The following JAK1 variants were observed in gnomAD, a reference collection of about 807,000 sequenced individuals.
The protein encoded by JAK1 is tyrosine-protein kinase JAK1.
A neutral mutation model predicts 136.6 loss-of-function variants in JAK1; 16 were observed. The ratio of observed to expected loss-of-function variants is 0.12; its 90% CI spans 0.08 to 0.18. JAK1 has a LOEUF of 0.18. Among genes scored for constraint, JAK1 ranks in the 10% least tolerant of loss-of-function variants. The probability of loss-of-function intolerance (pLI) is 1.00; values close to 1 mark genes in which losing one functional copy is unlikely to be tolerated. For synonymous variants in JAK1, 492 were observed against 519.5 expected (o/e 0.95, Z 0.72); for missense variants, 859 against 1,450.1 (o/e 0.59, Z 6.62).
At chr1:64,850,985 C>A (rs758408364) in intron 11 of JAK1, 75 bp from the exon 12 acceptor site, 3 of 1,017,124 alleles carry the variant, frequency 2.9e-6, no homozygotes, top group Non-Finnish European at 4.6e-6. Flanking sequence ...TCTGCTGAGC[C>A]GGGGCCGTGG....
chr1:65,018,450 C>T (rs984188894), intron 2 of JAK1, among the ~76,000 whole-genome samples: 4 of 150,660 alleles, frequency 2.7e-5, no homozygotes, highest in African/African-American at 9.8e-5. Flanking sequence ...TAATGAGAGA[C>T]ACACATACAT....
chr1:64,919,420 T>C (rs896056880), intron 1 of JAK1, among the ~76,000 whole-genome samples: 8 of 152,230 alleles, frequency 5.3e-5, no homozygotes, highest in Non-Finnish European at 1.0e-4. Flanking sequence ...CTATCATTGA[T>C]GGACATTTGG....
chr1:64,996,486 G>A (rs1212089247), intron 2 of JAK1, among the ~76,000 whole-genome samples: 7 of 152,176 alleles, frequency 4.6e-5, no homozygotes, highest in Non-Finnish European at 7.3e-5. Flanking sequence ...CATTTGTAGA[G>A]AAAAAGAAAC....
chr1:64,937,377 T>C (rs1004583109), intron 1 of JAK1, among the ~76,000 whole-genome samples: 1 of 152,204 alleles, frequency 6.6e-6, no homozygotes, highest in Non-Finnish European at 1.5e-5. Context: ...ACCAGCACCA[T>C]AGAAATTTCA....
Position 64,834,559 on chromosome 1 carries a change from T to C in JAK1, c.*3A>G, listed in dbSNP as rs376914054. On this transcript the variant is annotated 3_prime_UTR_variant, in exon 25 of 25. Transcript: ENST00000342505. Reference sequence around the variant, plus strand: ...TGTGGAATTTAAATGTTATTCATGCTTCTTATTTTAAAAGTGCTTCAAATC... The same window carrying C: ...TGTGGAATTTAAATGTTATTCATGCCTCTTATTTTAAAAGTGCTTCAAATC... 1.3e-6 allele frequency: 2 copies of C among 1,573,564 alleles called. No homozygotes were observed. Among genetic ancestry groups the C allele is most frequent in the African/African-American group, 1.4e-5 (1 of 74,024 alleles).
At chr1:65,061,527 AGTT>A (rs1271245831) in intron 1 of JAK1, among the ~76,000 whole-genome samples, 6 of 152,202 alleles carry the variant, frequency 3.9e-5, no homozygotes, top group African/African-American at 1.4e-4. Context: ...AGGCACCGTA[AGTT>A]GTTGGCCAAG....
At position 64,984,864 on chromosome 1, in the gene JAK1, G is replaced by A; in HGVS notation, c.-78+59616C>T. 8.4e-7 allele frequency: 1 copy of A among 1,188,430 alleles called. No homozygotes were observed. Among genetic ancestry groups the A allele is most frequent in the Non-Finnish European group, 1.3e-6 (1 of 795,904 alleles). 73.6% of individuals were successfully genotyped at this position (1,188,430 alleles called of 1,614,324 possible). ...AAGCAATCTGACTAGGAAGTTGGAG[G>A]TCCAGGTGGAGCAGCCGGCCACTGC... On this transcript the variant is annotated intron_variant, in intron 2 of 25. Coordinates refer to the JAK1 transcript ENST00000671954. The surrounding 1 kb of genome is among the most constrained non-coding windows in gnomAD (Gnocchi z 4.1).
chr1:65,027,128 C>G (rs1033266559), intron 2 of JAK1, among the ~76,000 whole-genome samples: 5 of 151,354 alleles, frequency 3.3e-5, no homozygotes, highest in African/African-American at 1.2e-4. Flanking sequence ...CTCACTGCAA[C>G]CTCTGCCTCC....
intron 2 of JAK1, among the ~76,000 whole-genome samples, chr1:65,000,863 T>G (rs1646749033): frequency 6.6e-6 from 1 of 150,976 alleles, no homozygotes; most frequent in Non-Finnish European, 1.5e-5. Context: ...TTTTTTTTGG[T>G]GGGGGGGCGG....
intron 7 of JAK1, among the ~76,000 whole-genome samples, chr1:64,866,123 A>G (rs903208492): frequency 2.6e-5 from 4 of 152,168 alleles, no homozygotes; most frequent in Non-Finnish European, 5.9e-5. Context: ...AATTTATTCA[A>G]CATTTATTGT....
chr1:64,970,543 G>A (rs1048049060), upstream of JAK1, among the ~76,000 whole-genome samples: 8 of 152,122 alleles, frequency 5.3e-5, no homozygotes, highest in Non-Finnish European at 7.4e-5. Flanking sequence ...ATCACCTGAC[G>A]TCAGGAGTTC....
intron 1 of JAK1, among the ~76,000 whole-genome samples, chr1:64,928,331 A>G (rs1334400451): frequency 1.3e-5 from 2 of 152,208 alleles, no homozygotes; most frequent in Non-Finnish European, 2.9e-5. Context: ...CCATGCAATA[A>G]AAGGTGATGA....
At chr1:64,972,650 G>A (rs781719522) in intron 2 of JAK1, 1 of 152,232 alleles carries the variant, frequency 6.6e-6, no homozygotes, top group Non-Finnish European at 1.5e-5. Flanking sequence ...TTAGCCAGGT[G>A]TGGTGGCTTG....
In JAK1 at chr1:64,847,581, ATCT is replaced by A. The variant is rs1339036568; in HGVS notation, c.1847_1849del (p.Lys616del). 2 of 1,614,134 alleles carry A rather than the reference ATCT, an allele frequency of 1.2e-6. No individual in the cohort carries two copies. Among genetic ancestry groups the A allele is most frequent in the East Asian group, 2.2e-5 (1 of 44,878 alleles). On this transcript the variant is annotated inframe_deletion, in exon 13 of 25. Coordinates refer to ENST00000342505, the MANE Select transcript of JAK1 (RefSeq NM_002227.4). The stretch of plus-strand genomic sequence containing the variant: ...GTCTAAGACTTTGAGGATCACTTTT[ATCT>A]TCTTCTCTTCAGAAGTTCCTTCGTC...
intron 2 of JAK1, among the ~76,000 whole-genome samples, chr1:65,039,382 T>A (rs1189962434): frequency 6.6e-6 from 1 of 152,190 alleles, no homozygotes; most frequent in African/African-American, 2.4e-5. Context: ...TTATCCAATG[T>A]TTCCTATATG....
chr1:64,990,919 C>CAAAAAAAAAAAAAAAAAAAAAAAAAAAA (rs1173485942), intron 2 of JAK1: 2 of 44,124 alleles, frequency 4.5e-5, no homozygotes, highest in Non-Finnish European at 1.0e-4. Context: ...GACTCCGTCT[C>CAAAAAAAAAAAAAAAAAAAAAAAAAAAA]AAAAAAAAAA....
At chr1:64,933,888 A>G (rs1205712567) in intron 1 of JAK1, among the ~76,000 whole-genome samples, 1 of 152,216 alleles carries the variant, frequency 6.6e-6, no homozygotes, top group Non-Finnish European at 1.5e-5. Flanking sequence ...ACTTTGAATC[A>G]TTCAAAATCG....
chr1:64,957,368 G>T (rs1361225643), intron 1 of JAK1, among the ~76,000 whole-genome samples: 1 of 152,202 alleles, frequency 6.6e-6, no homozygotes, highest in African/African-American at 2.4e-5. Context: ...GTTCCTTCCT[G>T]CCTCACCAGC....
At chr1:64,988,976 ATG>A (rs1646627484) in intron 2 of JAK1, among the ~76,000 whole-genome samples, 1 of 125,300 alleles carries the variant, frequency 8.0e-6, no homozygotes, top group South Asian at 2.9e-4. Flanking sequence ...GTATATATAT[ATG>A]TATATGTGTG....
Sources: allele counts gnomAD v4.1 joint callset (sites outside exome capture counted in the v4.1 genomes callset), GRCh38; gene constraint gnomAD v4.1.1; non-coding constraint Gnocchi (gnomAD v3.1); transcripts MANE v1.5; gene names NCBI Gene and HGNC (gene_info 2026-07-23, HGNC 2026-07-21).